ENTREP2: variants seen among roughly 807,000 people sequenced by gnomAD.
ENTREP2 encodes protein ENTREP2.
chr15:29,223,123 G>A, the ENTREP2 span, among the ~76,000 whole-genome samples: 3 of 152,232 alleles, frequency 2.0e-5, no homozygotes, highest in Non-Finnish European at 4.4e-5. Flanking sequence ...CTGGTCACCT[G>A]ACGGCCAATG....
chr15:29,555,196 A>C, the ENTREP2 span, among the ~76,000 whole-genome samples: 1 of 152,202 alleles, frequency 6.6e-6, no homozygotes, highest in African/African-American at 2.4e-5. Context: ...TTCCTCGGGG[A>C]ACACCTCTGG....
the ENTREP2 span, among the ~76,000 whole-genome samples, chr15:29,336,510 T>A: frequency 1.2e-4 from 18 of 152,060 alleles, no homozygotes. Flanking sequence ...AAGGTCTCAC[T>A]ATGTTGCCCA....
the ENTREP2 span, among the ~76,000 whole-genome samples, chr15:29,271,453 AG>A: frequency 1.3e-5 from 2 of 152,248 alleles, no homozygotes; most frequent in Non-Finnish European, 2.9e-5. Context: ...AAAAACAACA[AG>A]GAAGTAAAAC....
At chr15:29,554,828 A>G in the ENTREP2 span, among the ~76,000 whole-genome samples, 34 of 151,900 alleles carry the variant, frequency 2.2e-4, no homozygotes, top group Non-Finnish European at 3.8e-4. Context: ...ATTTCCATCT[A>G]AAAGGCATGG....
At chr15:29,412,824 C>T in the ENTREP2 span, among the ~76,000 whole-genome samples, 2 of 151,912 alleles carry the variant, frequency 1.3e-5, no homozygotes, top group African/African-American at 4.8e-5. Context: ...AATTTCTATT[C>T]TTATGTATTA....
At chr15:29,603,633 A>T in the ENTREP2 span, among the ~76,000 whole-genome samples, 7 of 152,110 alleles carry the variant, frequency 4.6e-5, no homozygotes, top group African/African-American at 1.7e-4. Context: ...ATTTTATTTA[A>T]TTAATTAATT....
the ENTREP2 span, among the ~76,000 whole-genome samples, chr15:29,393,373 G>A: frequency 9.9e-5 from 15 of 152,152 alleles, no homozygotes; most frequent in South Asian, 4.1e-4. Flanking sequence ...GAAATCCCAG[G>A]CCAAGCCCCT....
the ENTREP2 span, among the ~76,000 whole-genome samples, chr15:29,211,416 T>C: frequency 3.3e-5 from 5 of 152,216 alleles, no homozygotes; most frequent in African/African-American, 1.2e-4. Context: ...CAGATCTATG[T>C]CTCACTTCAC....
the ENTREP2 span, among the ~76,000 whole-genome samples, chr15:29,338,770 T>C: frequency 6.3e-4 from 96 of 152,344 alleles, no homozygotes; most frequent in African/African-American, 2.1e-3. Flanking sequence ...AAAAATATTA[T>C]GCCTTTCTTT....
chr15:29,528,103 G>A, the ENTREP2 span, among the ~76,000 whole-genome samples: 1 of 152,058 alleles, frequency 6.6e-6, no homozygotes, highest in Admixed American at 6.6e-5. Context: ...CCTTGCCCTG[G>A]GGAGCAGACC....
chr15:29,378,888 T>C, the ENTREP2 span, among the ~76,000 whole-genome samples: 7 of 152,226 alleles, frequency 4.6e-5, no homozygotes, highest in East Asian at 9.6e-4. Flanking sequence ...CTTTATATTG[T>C]AGATTTTCCT....
the ENTREP2 span, among the ~76,000 whole-genome samples, chr15:29,318,291 AT>A: frequency 6.6e-6 from 1 of 150,678 alleles, no homozygotes; most frequent in Non-Finnish European, 1.5e-5. Context: ...GCAATGAAGT[AT>A]TTTTAAATTA....
chr15:29,417,875 A>G, the ENTREP2 span, among the ~76,000 whole-genome samples: 2 of 151,746 alleles, frequency 1.3e-5, no homozygotes, highest in Admixed American at 1.3e-4. Flanking sequence ...TTTCTGGAAA[A>G]CTCTACAGTT....
At chr15:29,640,348 T>A in the ENTREP2 span, among the ~76,000 whole-genome samples, 2 of 151,838 alleles carry the variant, frequency 1.3e-5, no homozygotes, top group Non-Finnish European at 2.9e-5. Flanking sequence ...AGAAAAGAGA[T>A]TGAATTAGTA....
At chr15:29,469,046 G>T in the ENTREP2 span, among the ~76,000 whole-genome samples, 1 of 152,134 alleles carries the variant, frequency 6.6e-6, no homozygotes, top group Non-Finnish European at 1.5e-5. Flanking sequence ...AAGAGCATCC[G>T]AGGTGGTTCC....
chr15:29,416,339 G>A, the ENTREP2 span, among the ~76,000 whole-genome samples: 5 of 152,114 alleles, frequency 3.3e-5, no homozygotes, highest in African/African-American at 1.2e-4. Flanking sequence ...CAGAAATAAT[G>A]CCGCGTATCT....
At chr15:29,168,554 G>A in the ENTREP2 span, among the ~76,000 whole-genome samples, 1 of 152,200 alleles carries the variant, frequency 6.6e-6, no homozygotes, top group East Asian at 1.9e-4. Flanking sequence ...ATAGTCTACA[G>A]AGGTCTTTGT....
At chr15:29,211,046 G>A in the ENTREP2 span, among the ~76,000 whole-genome samples, 1 of 152,212 alleles carries the variant, frequency 6.6e-6, no homozygotes, top group African/African-American at 2.4e-5. Context: ...CTTAGGATCA[G>A]ATGATTAATA....
chr15:29,222,241 C>T, the ENTREP2 span, among the ~76,000 whole-genome samples: 8 of 152,200 alleles, frequency 5.3e-5, no homozygotes, highest in Admixed American at 4.6e-4. Context: ...CACTGCTACA[C>T]TCCCATCAGC....
Sources: gnomAD v4.1 joint callset for allele counts (sites outside exome capture counted in the v4.1 genomes callset) on GRCh38, gnomAD v4.1.1 for gene constraint, MANE v1.5 for transcripts, NCBI Gene and HGNC (gene_info 2026-07-23, HGNC 2026-07-21) for gene names.